The following KCNIP4 variants were observed in gnomAD, a reference collection of about 807,000 sequenced individuals.
KCNIP4 encodes the protein potassium voltage-gated channel interacting protein 4, also known as Kv channel-interacting protein 4.
A neutral mutation model predicts 34.0 loss-of-function variants in KCNIP4; 12 were observed. The ratio of observed to expected loss-of-function variants is 0.35; its 90% CI spans 0.23 to 0.57. KCNIP4 has a LOEUF of 0.57. KCNIP4 is among the 20% of genes least tolerant of loss of function. The pLI, the probability that KCNIP4 is intolerant of heterozygous loss-of-function variation, is 0.83. For synonymous variants in KCNIP4, 124 were observed against 102.2 expected, an observed-to-expected ratio of 1.21 and a Z score of -1.29; for missense variants, 238 against 311.7, an observed-to-expected ratio of 0.76 and a Z score of 1.78.
At chr4:21,007,508 G>GT (rs1419976662) in intron 1 of KCNIP4, among the ~76,000 whole-genome samples, 4 of 152,076 alleles carry the variant, frequency 2.6e-5, no homozygotes, top group Non-Finnish European at 4.4e-5. Flanking sequence ...TTCTTTCCAA[G>GT]TTTTTTTGTA....
intron 1 of KCNIP4, among the ~76,000 whole-genome samples, chr4:21,942,232 C>G (rs114322339): frequency 0.022 from 3,287 of 152,258 alleles, 130 homozygotes; most frequent in African/African-American, 0.074. Context: ...TGCTGTAATG[C>G]AAGGATCTAT....
intron 3 of KCNIP4, among the ~76,000 whole-genome samples, chr4:20,784,126 CT>C (rs1231606224): frequency 1.3e-5 from 2 of 152,176 alleles, no homozygotes; most frequent in Non-Finnish European, 2.9e-5. Context: ...CCTAAATGAG[CT>C]CATTATTTTT....
chr4:20,977,953 A>G (rs1451790178), intron 1 of KCNIP4, among the ~76,000 whole-genome samples: 1 of 152,142 alleles, frequency 6.6e-6, no homozygotes, highest in African/African-American at 2.4e-5. Flanking sequence ...CCTCTAACCA[A>G]TTCGGAAATT....
chr4:21,791,407 A>G (rs1265109468), intron 1 of KCNIP4, among the ~76,000 whole-genome samples: 1 of 152,210 alleles, frequency 6.6e-6, no homozygotes, highest in Non-Finnish European at 1.5e-5. Context: ...TAGAGGGGAC[A>G]TTCATTCTAT....
At chr4:21,754,030 C>T (rs992108996) in intron 1 of KCNIP4, among the ~76,000 whole-genome samples, 4 of 152,176 alleles carry the variant, frequency 2.6e-5, no homozygotes, top group African/African-American at 7.2e-5. Flanking sequence ...ACGAATGAGA[C>T]AGAAGTGTGC....
chr4:21,595,744 C>T (rs1742596360), intron 1 of KCNIP4, among the ~76,000 whole-genome samples: 1 of 152,004 alleles, frequency 6.6e-6, no homozygotes, highest in Non-Finnish European at 1.5e-5. Flanking sequence ...GAAAAAAAAG[C>T]TCATCATCAC....
rs150003539 is a variant in KCNIP4, at chr4:21,743,718, G to A, written c.61+204853C>T. Among the ~76,000 whole-genome samples the A allele has an allele frequency of 9.0e-3, 1,344 of 150,068 alleles. 21 individuals carry two copies. Among genetic ancestry groups the A allele is most frequent in the African/African-American group, 0.031 (1,279 of 40,696 alleles). On this transcript the variant is annotated intron_variant, in intron 1 of 8. Transcript: ENST00000382152. ...TTTTAAAAATATTATAATTCAACTT[G>A]AGTGGTCTAAGAAAATCAGCAATAT... is the stretch of plus-strand genomic sequence containing the variant.
At chr4:21,592,738 G>A (rs193299922) in intron 1 of KCNIP4, among the ~76,000 whole-genome samples, 13 of 152,156 alleles carry the variant, frequency 8.5e-5, no homozygotes, top group African/African-American at 3.1e-4. Context: ...AAATATGCAG[G>A]CCTAATTGAT....
intron 1 of KCNIP4, among the ~76,000 whole-genome samples, chr4:21,947,132 C>A (rs918255762): frequency 7.2e-5 from 11 of 152,148 alleles, no homozygotes; most frequent in African/African-American, 2.7e-4. Context: ...AATAGGACAG[C>A]GCTAGCCCTC....
intron 1 of KCNIP4, among the ~76,000 whole-genome samples, chr4:20,887,346 C>T (rs1725425689): frequency 6.6e-6 from 1 of 151,412 alleles, no homozygotes; most frequent in African/African-American, 2.4e-5. Context: ...AAATATTCCA[C>T]ATATGTTTTA....
intron 1 of KCNIP4, among the ~76,000 whole-genome samples, chr4:20,985,327 T>C (rs1194958337): frequency 6.6e-6 from 1 of 152,200 alleles, no homozygotes; most frequent in Non-Finnish European, 1.5e-5. Context: ...ACAATAATAG[T>C]TAACATGTAC....
intron 1 of KCNIP4, among the ~76,000 whole-genome samples, chr4:21,480,521 A>G (rs1731332446): frequency 6.6e-6 from 1 of 152,198 alleles, no homozygotes; most frequent in Non-Finnish European, 1.5e-5. Flanking sequence ...TAATATGACA[A>G]GAATACTCAC....
chr4:21,568,474 C>G (rs1370609709), intron 1 of KCNIP4, among the ~76,000 whole-genome samples: 1 of 152,064 alleles, frequency 6.6e-6, no homozygotes, highest in Non-Finnish European at 1.5e-5. Flanking sequence ...AGAGGAGATT[C>G]ACATTTGAGT....
chr4:20,914,753 T>A (rs558375862), intron 1 of KCNIP4, among the ~76,000 whole-genome samples: 38 of 152,318 alleles, frequency 2.5e-4, no homozygotes, highest in African/African-American at 8.9e-4. Context: ...AATGATATCT[T>A]TGGCCAAACA....
chr4:21,592,190 CAA>C (rs1461464387), intron 1 of KCNIP4, among the ~76,000 whole-genome samples: 3 of 152,034 alleles, frequency 2.0e-5, no homozygotes, highest in Non-Finnish European at 4.4e-5. Flanking sequence ...GAAAAATCAG[CAA>C]AGAGATAACA....
intron 1 of KCNIP4, among the ~76,000 whole-genome samples, chr4:21,387,481 C>G (rs2109499716): frequency 6.6e-6 from 1 of 152,266 alleles, no homozygotes; most frequent in South Asian, 2.1e-4. Context: ...CTTCATGAAA[C>G]TTGGTGAGAC....
At chr4:20,889,404 A>G (rs1358353454) in intron 1 of KCNIP4, among the ~76,000 whole-genome samples, 5 of 152,182 alleles carry the variant, frequency 3.3e-5, no homozygotes, top group Non-Finnish European at 5.9e-5. Flanking sequence ...TTTGTTTTCT[A>G]TAAGAATTGT....
At chr4:20,982,343 C>T (rs188645448) in intron 1 of KCNIP4, among the ~76,000 whole-genome samples, 1 of 152,256 alleles carries the variant, frequency 6.6e-6, no homozygotes, top group Non-Finnish European at 1.5e-5. Context: ...TTATTCCAAT[C>T]ATAGAAATTG....
At chr4:21,141,331 GACAA>G (rs892534099) in intron 1 of KCNIP4, among the ~76,000 whole-genome samples, 3 of 152,074 alleles carry the variant, frequency 2.0e-5, no homozygotes, top group Non-Finnish European at 4.4e-5. Flanking sequence ...GGTATGTCTG[GACAA>G]ACAGACTGTG....
Sources: allele counts gnomAD v4.1 joint callset (sites outside exome capture counted in the v4.1 genomes callset), GRCh38; gene constraint gnomAD v4.1.1; transcripts MANE v1.5; gene names NCBI Gene and HGNC (gene_info 2026-07-23, HGNC 2026-07-21).